Variants in NTRK3 observed in about 807,000 individuals in gnomAD.
NTRK3 encodes the protein neurotrophic receptor tyrosine kinase 3.
A neutral mutation model predicts 91.7 loss-of-function variants in NTRK3; 24 were observed. That is an observed-to-expected ratio of 0.26 (90% CI 0.19 to 0.37). The LOEUF (loss-of-function observed/expected upper bound fraction) is 0.37, where lower values mean the gene tolerates loss of function less well. Among genes scored for constraint, NTRK3 ranks in the 10% least tolerant of loss-of-function variants. The pLI, the probability that NTRK3 is intolerant of heterozygous loss-of-function variation, is 1.00. For missense variants in NTRK3, 880 were observed against 1,068.9 expected (o/e 0.82, Z 2.46); for synonymous variants, 483 against 404.0 (o/e 1.20, Z -2.34).
chr15:87,988,107 C>T (rs1297411524), intron 14 of NTRK3, among the ~76,000 whole-genome samples: 1 of 152,104 alleles, frequency 6.6e-6, no homozygotes. Flanking sequence ...CCATCTCAGC[C>T]AGGTAATGAG....
Position 88,243,830 on chromosome 15 carries a change from C to T in NTRK3, c.248+12076G>A, listed in dbSNP as rs1207304432. On this transcript the variant is annotated intron_variant, in intron 3 of 18. Coordinates refer to ENST00000394480, the Ensembl canonical transcript of NTRK3. The surrounding 1 kb of genome is among the most constrained non-coding windows in gnomAD (Gnocchi z 4.8). Reference sequence around the variant, plus strand: ...ATCACAATCAACTTAGTCAGTTGCCCATGTGGTTTCTCCAGTTGTGACTTC... The same window carrying T: ...ATCACAATCAACTTAGTCAGTTGCCTATGTGGTTTCTCCAGTTGTGACTTC... Among the ~76,000 whole-genome samples the T allele has an allele frequency of 3.3e-5, 5 of 152,284 alleles. No individual in the cohort carries two copies. The highest frequency in any genetic ancestry group is 1.2e-4 in the African/African-American group (5 of 41,548).
chr15:87,998,812 G>C (rs1022563238), intron 14 of NTRK3, among the ~76,000 whole-genome samples: 1 of 152,150 alleles, frequency 6.6e-6, no homozygotes, highest in African/African-American at 2.4e-5. Flanking sequence ...AAAATGTCAA[G>C]TGAGATTTGT....
At chr15:87,952,938 C>G (rs2141129924) in intron 14 of NTRK3, among the ~76,000 whole-genome samples, 1 of 152,218 alleles carries the variant, frequency 6.6e-6, no homozygotes, top group East Asian at 2.0e-4. Flanking sequence ...GCCTGCGAGT[C>G]CCAGCCACGC....
At chr15:87,991,897 C>G (rs2075314908) in intron 14 of NTRK3, among the ~76,000 whole-genome samples, 2 of 151,836 alleles carry the variant, frequency 1.3e-5, no homozygotes, top group South Asian at 2.1e-4. Flanking sequence ...ATATCTTTGT[C>G]TATCTCCCAG....
At chr15:87,863,703 T>C (rs1269982882) in exon 19 of NTRK3, 12 of 226,914 alleles carry the variant, frequency 5.3e-5, no homozygotes, top group Non-Finnish European at 8.8e-5. Context: ...AGATGCACCA[T>C]TGGGGTCTAC....
intron 18 of NTRK3, among the ~76,000 whole-genome samples, chr15:87,877,372 A>G (rs1457699002): frequency 6.6e-6 from 1 of 152,114 alleles, no homozygotes; most frequent in Non-Finnish European, 1.5e-5. Flanking sequence ...CCAGGCCCAC[A>G]TTGACCATTG....
At chr15:87,921,345 G>A (rs2067852764) in intron 17 of NTRK3, among the ~76,000 whole-genome samples, 1 of 152,198 alleles carries the variant, frequency 6.6e-6, no homozygotes, top group African/African-American at 2.4e-5. Flanking sequence ...ATTGGTGCCT[G>A]GGTCTACTTA....
intron 14 of NTRK3, among the ~76,000 whole-genome samples, chr15:88,012,492 AG>A (rs2076950669): frequency 6.6e-6 from 1 of 152,188 alleles, no homozygotes; most frequent in Admixed American, 6.5e-5. Flanking sequence ...CGGAAATCAC[AG>A]GCAGGGTGAG....
At chr15:87,950,250 G>A (rs2070974250) in intron 14 of NTRK3, among the ~76,000 whole-genome samples, 1 of 152,200 alleles carries the variant, frequency 6.6e-6, no homozygotes, top group South Asian at 2.1e-4. Context: ...TTGAGGTCAG[G>A]AAGAGAAACA....
intron 5 of NTRK3, among the ~76,000 whole-genome samples, chr15:88,173,030 G>C (rs936571978): frequency 6.6e-5 from 10 of 152,122 alleles, no homozygotes; most frequent in African/African-American, 2.4e-4. Context: ...AAAATCTGAA[G>C]CTTGGTGAAT....
At chr15:88,106,557 A>T (rs1171699060) in intron 13 of NTRK3, among the ~76,000 whole-genome samples, 1 of 152,212 alleles carries the variant, frequency 6.6e-6, no homozygotes, top group Non-Finnish European at 1.5e-5. Context: ...GATGCTTAAG[A>T]AAGAGTGTTG....
In NTRK3 at chr15:87,885,680, G is replaced by A. The variant is rs1175759750; in HGVS notation, c.2134-5252C>T. The A allele has an allele frequency of 2.5e-5, 34 of 1,359,894 alleles. No individual in the cohort carries two copies. In the Admixed American group the frequency reaches 2.9e-4, roughly 12 times the overall value. 84.2% of individuals were successfully genotyped at this position (1,359,894 alleles called of 1,614,324 possible). Reference sequence around the variant, plus strand: ...ATGAACTATTCATTAAAAAAAATACGCTTAGATACCTACCTCACACCATAT... The same window carrying A: ...ATGAACTATTCATTAAAAAAAATACACTTAGATACCTACCTCACACCATAT... On this transcript the variant is annotated intron_variant, in intron 17 of 18. Transcript: ENST00000394480.
intron 17 of NTRK3, among the ~76,000 whole-genome samples, chr15:87,914,981 TATGGTGTTGGTG>T (rs1432540713): frequency 2.0e-5 from 3 of 152,114 alleles, no homozygotes; most frequent in Admixed American, 1.3e-4. Flanking sequence ...CAGCGGTGGC[TATGGTGTTGGTG>T]ATGGTGTTGG....
intron 13 of NTRK3, among the ~76,000 whole-genome samples, chr15:88,114,821 A>T (rs1360061822): frequency 6.6e-6 from 1 of 152,240 alleles, no homozygotes; most frequent in Non-Finnish European, 1.5e-5. Context: ...TACCATTTGC[A>T]TATGTATCCT....
chr15:88,026,416 G>C (rs2078042589), intron 14 of NTRK3, among the ~76,000 whole-genome samples: 1 of 152,178 alleles, frequency 6.6e-6, no homozygotes, highest in African/African-American at 2.4e-5. Flanking sequence ...CCAACAATAT[G>C]ACATGTGGAA....
intron 14 of NTRK3, among the ~76,000 whole-genome samples, chr15:88,028,600 C>G (rs965811330): frequency 2.6e-5 from 4 of 152,054 alleles, no homozygotes; most frequent in African/African-American, 9.7e-5. Flanking sequence ...AGGATGGAGA[C>G]AGGCCATCTT....
At chr15:88,242,174 T>A (rs2052420240) in intron 3 of NTRK3, among the ~76,000 whole-genome samples, 1 of 152,108 alleles carries the variant, frequency 6.6e-6, no homozygotes, top group Admixed American at 6.5e-5. Context: ...GGGGTCACCT[T>A]CCAAATAAAC....
intron 13 of NTRK3, among the ~76,000 whole-genome samples, chr15:88,046,032 A>T (rs1308980506): frequency 6.6e-6 from 1 of 152,198 alleles, no homozygotes; most frequent in African/African-American, 2.4e-5. Flanking sequence ...ACACAATTCA[A>T]CCCACAGCAC....
chr15:88,132,523 C>T (rs1307567562), intron 10 of NTRK3, among the ~76,000 whole-genome samples: 2 of 152,186 alleles, frequency 1.3e-5, no homozygotes, highest in Admixed American at 1.3e-4. Context: ...GGGACCTGCA[C>T]CTAAGTCTGT....
Sources: allele counts gnomAD v4.1 joint callset (sites outside exome capture counted in the v4.1 genomes callset), GRCh38; gene constraint gnomAD v4.1.1; non-coding constraint Gnocchi (gnomAD v3.1); transcripts MANE v1.5; gene names NCBI Gene and HGNC (gene_info 2026-07-23, HGNC 2026-07-21).